The following CFAP74 variants were observed in gnomAD, a reference collection of about 807,000 sequenced individuals.
CFAP74 encodes cilia- and flagella-associated protein 74.
Under a neutral mutation model 188.9 loss-of-function variants are expected in CFAP74, and 124 were observed. That is an observed-to-expected ratio of 0.66 (90% confidence interval 0.57 to 0.76). CFAP74 has a LOEUF of 0.76. Ranked by LOEUF, CFAP74 falls within the 30% of genes least tolerant of loss-of-function variation. The probability of loss-of-function intolerance (pLI) is 0.00; values close to 1 mark genes in which losing one functional copy is unlikely to be tolerated. For synonymous variants in CFAP74, 956 were observed against 916.7 expected (o/e 1.04, Z -0.77); for missense variants, 2,198 against 2,165.2 (o/e 1.02, Z -0.30).
chr1:1,939,527 G>T, intron 24 of CFAP74, 67 bp downstream of exon 24: 1 of 1,437,228 alleles, frequency 7.0e-7, no homozygotes, highest in Non-Finnish European at 9.4e-7. Context: ...AGCAGTGGCC[G>T]CTGCATCCTG....
At chr1:1,987,095 C>G (rs1045058882) in intron 4 of CFAP74, 60 bp from the exon 5 acceptor site, 6 of 1,467,518 alleles carry the variant, frequency 4.1e-6, no homozygotes. Flanking sequence ...TCCAAAGTGA[C>G]AGTGGGCGTG....
intron 18 of CFAP74, chr1:1,954,209 C>A (rs970116993): frequency 6.6e-6 from 1 of 152,276 alleles, no homozygotes; most frequent in Non-Finnish European, 1.5e-5. Context: ...CGTGCTCCTG[C>A]GGATGTGAAG....
At position 1,939,034 on chromosome 1, in the gene CFAP74, G is replaced by A. The variant is rs888515545; in HGVS notation, c.2878-46C>T. On this transcript the variant is annotated intron_variant, in intron 24 of 38. Transcript: ENST00000682832. ...TGAGGGCATGTCACGGGGAGACCAT[G>A]TGGACACACGTGCGGCAGGGCCGTG... 3.3e-6 allele frequency: 5 copies of A among 1,519,902 alleles called. No homozygotes were observed. The Admixed American group carries it at 5.9e-5, about 18-fold the overall frequency. 94.2% of individuals were successfully genotyped at this position (1,519,902 alleles called of 1,614,324 possible).
At chr1:1,940,971 G>T (rs1653327608) in intron 22 of CFAP74, among the ~76,000 whole-genome samples, 1 of 152,034 alleles carries the variant, frequency 6.6e-6, no homozygotes, top group African/African-American at 2.4e-5. Flanking sequence ...AAATTAGCCG[G>T]GCGTGGTGGC....
chr1:1,964,277 A>C (rs960378757), intron 13 of CFAP74, among the ~76,000 whole-genome samples: 1 of 152,166 alleles, frequency 6.6e-6, no homozygotes, highest in Non-Finnish European at 1.5e-5. Context: ...TCAGCCTCAC[A>C]TGTTCCCACC....
chr1:1,979,939 C>T (rs7541164), intron 6 of CFAP74, among the ~76,000 whole-genome samples: 8,299 of 141,738 alleles, frequency 0.059, 1,423 homozygotes, highest in African/African-American at 0.23. Context: ...GCAGAACACG[C>T]GTGTGATCGC....
chr1:1,937,599 C>G (rs1467291164), intron 25 of CFAP74, among the ~76,000 whole-genome samples: 1 of 152,154 alleles, frequency 6.6e-6, no homozygotes, highest in Admixed American at 6.5e-5. Flanking sequence ...GAAACAAAAG[C>G]GACCAAAACG....
intron 18 of CFAP74, chr1:1,954,904 A>AGC: frequency 1.7e-6 from 2 of 1,159,002 alleles, no homozygotes; most frequent in East Asian, 6.4e-5. Context: ...GGCAGTGCAG[A>AGC]ACGGCCTTCG....
intron 12 of CFAP74, 107 bp from the exon 13 acceptor site, chr1:1,965,168 G>T: frequency 9.1e-7 from 1 of 1,097,394 alleles, no homozygotes; most frequent in Non-Finnish European, 1.3e-6. Context: ...GGACAGCCCA[G>T]CCCCACCGGC....
chr1:1,971,356 C>T (rs944632712), intron 9 of CFAP74, among the ~76,000 whole-genome samples: 23 of 151,710 alleles, frequency 1.5e-4, no homozygotes, highest in African/African-American at 5.6e-4. Context: ...CACACATGCA[C>T]ACCTGCACAC....
intron 25 of CFAP74, among the ~76,000 whole-genome samples, chr1:1,936,993 GT>G (rs1308250614): frequency 6.6e-6 from 1 of 152,208 alleles, no homozygotes; most frequent in East Asian, 1.9e-4. Flanking sequence ...CGAATCACAG[GT>G]GACATTGTTA....
chr1:1,961,918 C>T (rs1356229742), intron 14 of CFAP74, among the ~76,000 whole-genome samples: 1 of 152,218 alleles, frequency 6.6e-6, no homozygotes, highest in Non-Finnish European at 1.5e-5. Context: ...GAGGGGCCAT[C>T]AGAGCCCACG....
chr1:1,932,998 G>T (rs1324221117), intron 25 of CFAP74, among the ~76,000 whole-genome samples: 1 of 150,588 alleles, frequency 6.6e-6, no homozygotes, highest in African/African-American at 2.5e-5. Flanking sequence ...CCATTCTCCT[G>T]CCTCAGCCTC....
chr1:1,955,378 G>T, intron 18 of CFAP74: 1 of 1,369,116 alleles, frequency 7.3e-7, no homozygotes, highest in Non-Finnish European at 9.6e-7. Context: ...CCGCAGCCCG[G>T]CCCCTCCAGG....
chr1:1,950,673 T>A (rs959687076), intron 18 of CFAP74, among the ~76,000 whole-genome samples: 2 of 152,220 alleles, frequency 1.3e-5, no homozygotes, highest in African/African-American at 4.8e-5. Flanking sequence ...TATTTTCCAA[T>A]TGAGATTTGA....
At chr1:1,940,448 T>G in intron 22 of CFAP74, 45 bp from the exon 23 acceptor site, 2 of 1,365,086 alleles carry the variant, frequency 1.5e-6, no homozygotes, top group Non-Finnish European at 2.0e-6. Context: ...CTTTCCATTT[T>G]GTGAAATGAC....
intron 1 of CFAP74, among the ~76,000 whole-genome samples, chr1:1,993,204 A>AT (rs2102113153): frequency 6.6e-6 from 1 of 151,772 alleles, no homozygotes; most frequent in East Asian, 1.9e-4. Flanking sequence ...GTCTCAAAAA[A>AT]AAAAAAAAAA....
chr1:1,979,102 A>G (rs142592837), intron 6 of CFAP74, among the ~76,000 whole-genome samples: 1 of 99,382 alleles, frequency 1.0e-5, no homozygotes, highest in African/African-American at 3.5e-5. Context: ...GGAAGGTGTC[A>G]CGTGACAAGG....
Position 1,987,022 on chromosome 1 carries a change from C to T in CFAP74, c.310G>A (p.Ala104Thr), listed in dbSNP as rs560477728. 1.9e-5 allele frequency: 31 copies of T among 1,598,038 alleles called. No homozygotes were observed. The highest frequency in any genetic ancestry group is 1.7e-4 in the Middle Eastern group (1 of 6,038). ...ATCAGGTCCCGCCTCTGCCGACAGGCGCGCAGCTCCCCTCTGGAACAGGGA... is the reference window on the plus strand; with the variant it reads ...ATCAGGTCCCGCCTCTGCCGACAGGTGCGCAGCTCCCCTCTGGAACAGGGA... ...FTEKMRGELR[A>T]CRQRRDLIDK... is the part of the protein sequence containing the mutation. Residue 104 changes from alanine to threonine, a missense_variant, in exon 5 of 39, where the codon GCC becomes ACC. By Grantham distance (58) the Ala-to-Thr change is moderately conservative (BLOSUM62 0). Transcript: ENST00000682832.
Sources: allele counts gnomAD v4.1 joint callset (sites outside exome capture counted in the v4.1 genomes callset), GRCh38; gene constraint gnomAD v4.1.1; transcripts MANE v1.5; gene names NCBI Gene and HGNC (gene_info 2026-07-23, HGNC 2026-07-21).